CAST: variants seen among roughly 807,000 people sequenced by gnomAD.
CAST encodes calpastatin, also known as MIR583 host.
CAST carries 76 observed loss-of-function variants against 119.6 expected under a neutral mutation model. The ratio of observed to expected loss-of-function variants is 0.64; its 90% confidence interval spans 0.53 to 0.77. The LOEUF is 0.77. CAST is among the 30% of genes least tolerant of loss of function. The pLI is 0.00. For synonymous variants in CAST, 319 were observed against 331.6 expected, an observed-to-expected ratio of 0.96 and a Z score of 0.41; for missense variants, 953 against 946.5, an observed-to-expected ratio of 1.01 and a Z score of -0.09.
the CAST span, among the ~76,000 whole-genome samples, chr5:96,227,277 T>C: frequency 2.6e-5 from 4 of 152,230 alleles, no homozygotes; most frequent in Admixed American, 2.0e-4. Flanking sequence ...TTTGAATTCT[T>C]TGGATTTTTT....
chr5:96,342,431 G>A, the CAST span, among the ~76,000 whole-genome samples: 1 of 152,150 alleles, frequency 6.6e-6, no homozygotes, highest in Admixed American at 6.5e-5. Flanking sequence ...ATTGGGGCCT[G>A]AGAATTTACA....
chr5:96,526,937 G>A (rs926205182), upstream of CAST, among the ~76,000 whole-genome samples: 1 of 152,166 alleles, frequency 6.6e-6, no homozygotes, highest in Non-Finnish European at 1.5e-5. Flanking sequence ...AGGAAAATGG[G>A]GGTGGGAGTG....
chr5:96,553,592 G>T (rs1246068005), intron 1 of CAST, among the ~76,000 whole-genome samples: 1 of 152,156 alleles, frequency 6.6e-6, no homozygotes, highest in Non-Finnish European at 1.5e-5. Flanking sequence ...GGTATTCAAA[G>T]AAGTAGAGAG....
At chr5:96,432,690 G>GC in the CAST span, among the ~76,000 whole-genome samples, 1 of 152,150 alleles carries the variant, frequency 6.6e-6, no homozygotes, top group African/African-American at 2.4e-5. Flanking sequence ...AGTAAATAAT[G>GC]CAAGCTTTCT....
intron 3 of CAST, among the ~76,000 whole-genome samples, chr5:96,699,123 A>G (rs2150311784): frequency 6.6e-6 from 1 of 152,372 alleles, no homozygotes; most frequent in Non-Finnish European, 1.5e-5. Flanking sequence ...TTGGTAAATC[A>G]GTAGTGAAGA....
the CAST span, among the ~76,000 whole-genome samples, chr5:96,366,147 A>G: frequency 6.6e-6 from 1 of 152,208 alleles, no homozygotes; most frequent in Non-Finnish European, 1.5e-5. Context: ...AGAATGTTGA[A>G]TATTGGCCCC....
chr5:96,660,840 G>A (rs1481748769), upstream of CAST, among the ~76,000 whole-genome samples: 1 of 151,958 alleles, frequency 6.6e-6, no homozygotes. Context: ...TGTTTTTCCT[G>A]AGTGGACATA....
At chr5:96,763,707 C>T (rs1011790683) in intron 25 of CAST, among the ~76,000 whole-genome samples, 3 of 152,076 alleles carry the variant, frequency 2.0e-5, no homozygotes, top group African/African-American at 2.4e-5. Flanking sequence ...TGATAATTCA[C>T]GGGAGCTTTC....
chr5:96,419,824 C>A, the CAST span, among the ~76,000 whole-genome samples: 5 of 152,138 alleles, frequency 3.3e-5, no homozygotes, highest in East Asian at 7.7e-4. Flanking sequence ...ATTATAAATG[C>A]TGTGCTGTGA....
chr5:96,637,216 C>G (rs1019249431), intron 1 of CAST, among the ~76,000 whole-genome samples: 1 of 152,200 alleles, frequency 6.6e-6, no homozygotes, highest in African/African-American at 2.4e-5. Context: ...AGTCTAAACA[C>G]TTTACATTTA....
the CAST span, among the ~76,000 whole-genome samples, chr5:96,280,478 T>C: frequency 6.6e-6 from 1 of 152,352 alleles, no homozygotes; most frequent in East Asian, 1.9e-4. Flanking sequence ...ATTTTGCTTA[T>C]AGGTAAGTCT....
At chr5:96,609,507 G>A (rs1157890925) in intron 1 of CAST, among the ~76,000 whole-genome samples, 1 of 152,154 alleles carries the variant, frequency 6.6e-6, no homozygotes, top group Non-Finnish European at 1.5e-5. Context: ...CTGATATTCT[G>A]CAGTTCCAAC....
the CAST span, among the ~76,000 whole-genome samples, chr5:96,127,744 C>T: frequency 6.6e-6 from 1 of 152,044 alleles, no homozygotes; most frequent in Non-Finnish European, 1.5e-5. Context: ...TCAAATGCTG[C>T]CAGTGTTAAC....
chr5:96,004,083 G>A, the CAST span, among the ~76,000 whole-genome samples: 1 of 152,186 alleles, frequency 6.6e-6, no homozygotes, highest in Non-Finnish European at 1.5e-5. Flanking sequence ...CCAGTAATAA[G>A]ATGTAAGTTG....
the CAST span, among the ~76,000 whole-genome samples, chr5:96,341,168 C>T: frequency 2.0e-5 from 3 of 152,172 alleles, no homozygotes; most frequent in African/African-American, 7.2e-5. Context: ...ATTATTTGCA[C>T]TTTAATTGCT....
At chr5:96,711,903 G>C (rs923858955) in intron 3 of CAST, among the ~76,000 whole-genome samples, 2 of 152,184 alleles carry the variant, frequency 1.3e-5, no homozygotes, top group Non-Finnish European at 2.9e-5. Context: ...TTAGTTGGCA[G>C]TTTCTTTGGA....
At chr5:96,029,212 G>A in the CAST span, among the ~76,000 whole-genome samples, 1 of 152,144 alleles carries the variant, frequency 6.6e-6, no homozygotes, top group Admixed American at 6.5e-5. Flanking sequence ...TACAATAGCA[G>A]TTAGGTGAAA....
intron 24 of CAST, among the ~76,000 whole-genome samples, chr5:96,759,306 T>G (rs1260091756): frequency 6.6e-6 from 1 of 152,168 alleles, no homozygotes; most frequent in Non-Finnish European, 1.5e-5. Context: ...ACCATGCTCT[T>G]TGATATAATA....
chr5:96,029,720 T>C, the CAST span, among the ~76,000 whole-genome samples: 1 of 152,132 alleles, frequency 6.6e-6, no homozygotes, highest in African/African-American at 2.4e-5. Flanking sequence ...CTTAAGAGAT[T>C]GTGGAACTCA....
Sources: gnomAD v4.1 joint callset for allele counts (sites outside exome capture counted in the v4.1 genomes callset) on GRCh38, gnomAD v4.1.1 for gene constraint, MANE v1.5 for transcripts, NCBI Gene and HGNC (gene_info 2026-07-23, HGNC 2026-07-21) for gene names.